The following TANGO6 variants were observed in gnomAD, a reference collection of about 807,000 sequenced individuals.
TANGO6 encodes transport and golgi organization 6 homolog.
TANGO6 carries 90 observed loss-of-function variants against 114.2 expected under a neutral mutation model. The ratio of observed to expected loss-of-function variants is 0.79; its 90% CI spans 0.66 to 0.94. The LOEUF (loss-of-function observed/expected upper bound fraction) is 0.94, where lower values mean the gene tolerates loss of function less well. Ranked by LOEUF, TANGO6 falls within the 40% of genes least tolerant of loss-of-function variation. TANGO6 has a pLI of 0.00. For missense variants in TANGO6, 1,274 were observed against 1,315.3 expected (o/e 0.97, Z 0.49); for synonymous variants, 477 against 509.8 (o/e 0.94, Z 0.87).
chr16:68,935,580 G>T (rs1450086048), intron 14 of TANGO6, among the ~76,000 whole-genome samples: 2 of 152,102 alleles, frequency 1.3e-5, no homozygotes. Context: ...AGAAGCAGTG[G>T]TTGACTTAGT....
chr16:68,891,247 G>T (rs534359418), intron 7 of TANGO6, among the ~76,000 whole-genome samples: 2 of 146,190 alleles, frequency 1.4e-5, no homozygotes, highest in Non-Finnish European at 3.0e-5. Context: ...GGCCGAGATC[G>T]CACCATTGCA....
intron 14 of TANGO6, among the ~76,000 whole-genome samples, chr16:68,957,711 T>C (rs1157854266): frequency 2.6e-5 from 4 of 152,090 alleles, no homozygotes; most frequent in Non-Finnish European, 5.9e-5. Context: ...CATAAGACTT[T>C]AGATGTTGGA....
chr16:68,889,635 A>C (rs1962584285), intron 7 of TANGO6, among the ~76,000 whole-genome samples: 1 of 152,234 alleles, frequency 6.6e-6, no homozygotes, highest in Admixed American at 6.5e-5. Flanking sequence ...GACCGAAAGA[A>C]GTATCTTCAA....
chr16:68,953,074 A>ATTATTATTG (rs1054508978), intron 14 of TANGO6, among the ~76,000 whole-genome samples: 1 of 146,966 alleles, frequency 6.8e-6, no homozygotes, highest in Non-Finnish European at 1.5e-5. Flanking sequence ...TATTATTATT[A>ATTATTATTG]TTATTATTAT....
chr16:68,897,140 A>G (rs1409418188), intron 7 of TANGO6, among the ~76,000 whole-genome samples: 3 of 151,942 alleles, frequency 2.0e-5, no homozygotes, highest in African/African-American at 7.3e-5. Flanking sequence ...TGACCTCGTG[A>G]TCCACCCGCC....
chr16:69,072,474 C>G (rs1402028861), intron 17 of TANGO6, among the ~76,000 whole-genome samples: 1 of 152,012 alleles, frequency 6.6e-6, no homozygotes, highest in African/African-American at 2.4e-5. Context: ...TATCCTGCCC[C>G]CGACAGAGGC....
chr16:68,954,865 GC>G (rs2152206897), intron 14 of TANGO6, among the ~76,000 whole-genome samples: 1 of 152,214 alleles, frequency 6.6e-6, no homozygotes, highest in Non-Finnish European at 1.5e-5. Flanking sequence ...TAACATGAAG[GC>G]ATCAAAAACT....
intron 14 of TANGO6, among the ~76,000 whole-genome samples, chr16:68,966,455 G>T (rs1963646296): frequency 1.3e-5 from 2 of 151,702 alleles, no homozygotes; most frequent in African/African-American, 4.8e-5. Flanking sequence ...AGTGAGCTGA[G>T]ATTACACCAC....
At chr16:68,959,994 T>G (rs1963573386) in intron 14 of TANGO6, among the ~76,000 whole-genome samples, 1 of 152,232 alleles carries the variant, frequency 6.6e-6, no homozygotes, top group Non-Finnish European at 1.5e-5. Context: ...TTTTGTTTTC[T>G]TACCTAAATT....
intron 14 of TANGO6, among the ~76,000 whole-genome samples, chr16:68,965,862 G>A (rs976783725): frequency 5.3e-5 from 8 of 150,934 alleles, no homozygotes; most frequent in African/African-American, 2.0e-4. Context: ...GGGCAGATAT[G>A]AAATATTTTC....
At chr16:68,988,681 G>A (rs1206100246) in intron 15 of TANGO6, among the ~76,000 whole-genome samples, 1 of 142,778 alleles carries the variant, frequency 7.0e-6, no homozygotes, top group African/African-American at 2.6e-5. Flanking sequence ...TAGAGTTTAA[G>A]TTCTCTCTCT....
chr16:68,877,408 C>T (rs1962381866), intron 5 of TANGO6, among the ~76,000 whole-genome samples: 1 of 145,048 alleles, frequency 6.9e-6, no homozygotes, highest in African/African-American at 2.6e-5. Flanking sequence ...GCGGAGGTTG[C>T]AGTGAGCCGA....
chr16:68,982,308 T>C (rs2152215441), intron 15 of TANGO6, among the ~76,000 whole-genome samples: 1 of 152,222 alleles, frequency 6.6e-6, no homozygotes, highest in South Asian at 2.1e-4. Flanking sequence ...TATGTAGTCA[T>C]CCTGCTGGCC....
chr16:69,042,952 A>G (rs901000136), intron 17 of TANGO6, among the ~76,000 whole-genome samples: 1 of 152,108 alleles, frequency 6.6e-6, no homozygotes, highest in African/African-American at 2.4e-5. Flanking sequence ...GGTCGGGTGC[A>G]GTGGCTCACC....
chr16:69,049,217 C>T (rs1959908494), intron 17 of TANGO6, among the ~76,000 whole-genome samples: 1 of 152,006 alleles, frequency 6.6e-6, no homozygotes, highest in African/African-American at 2.4e-5. Context: ...AAAGAAACTC[C>T]ATACTCCACT....
Position 68,927,488 on chromosome 16 carries a change from G to A in TANGO6, c.2128-80G>A, listed in dbSNP as rs1214026886. ...ATTTGATCCCTGCCCTTTTTTCTCA[G>A]AATATGTTTCCTGGTGCTCAGGTCA... On this transcript the variant is annotated intron_variant, in intron 12 of 17. Coordinates refer to ENST00000261778, the MANE Select transcript of TANGO6 (RefSeq NM_024562.2). 4.7e-6 allele frequency: 7 copies of A among 1,485,510 alleles called. No individual in the cohort carries two copies. The African/African-American group carries it at 7.0e-5, about 15-fold the overall frequency. The allele number at this position is 1,485,510 out of a possible 1,614,324, so 92.0% of individuals were successfully genotyped here. A position where few individuals can be genotyped will look rare whatever the true frequency, so the allele number is the denominator to read the frequency against.
At chr16:68,968,215 G>A (rs1161345667) in intron 14 of TANGO6, among the ~76,000 whole-genome samples, 12 of 151,610 alleles carry the variant, frequency 7.9e-5, no homozygotes, top group East Asian at 2.0e-4. Context: ...ACAGGCGCAC[G>A]CCACCACGCC....
intron 15 of TANGO6, among the ~76,000 whole-genome samples, chr16:69,007,397 A>C (rs933851305): frequency 6.6e-6 from 1 of 150,894 alleles, no homozygotes; most frequent in Non-Finnish European, 1.5e-5. Flanking sequence ...AGCCTCCCCA[A>C]TAGCTGGGAC....
In TANGO6 at chr16:68,917,860, C is replaced by T. The variant is rs145956982; in HGVS notation, c.1993-1225C>T. Among the ~76,000 whole-genome samples, 1,206 of 152,050 alleles carry T rather than the reference C, an allele frequency of 7.9e-3. 8 individuals are homozygous for T. The highest frequency in any genetic ancestry group is 0.011 in the Non-Finnish European group (756 of 67,986). On this transcript the variant is annotated intron_variant, in intron 11 of 17. Coordinates refer to ENST00000261778, the MANE Select transcript of TANGO6 (RefSeq NM_024562.2). ...CTTGACCTCCTGGGCTCAAGCAGTC[C>T]TCCCACCTCAGTCTCCTGAGTAGCT...
Sources: gnomAD v4.1 joint callset for allele counts (sites outside exome capture counted in the v4.1 genomes callset) on GRCh38, gnomAD v4.1.1 for gene constraint, MANE v1.5 for transcripts, NCBI Gene and HGNC (gene_info 2026-07-23, HGNC 2026-07-21) for gene names.